The following TRIB3 variants were observed in gnomAD, a reference collection of about 807,000 sequenced individuals.
TRIB3 encodes tribbles homolog 3.
TRIB3 carries 20 observed loss-of-function variants against 16.6 expected under a neutral mutation model. The observed-to-expected ratio is 1.20, with a 90% CI of 0.85 to 1.75. TRIB3 has a LOEUF of 1.75. TRIB3 is among the 40% of genes most tolerant of loss of function. The pLI, the probability that TRIB3 is intolerant of heterozygous loss-of-function variation, is 0.00. For missense variants in TRIB3, 484 were observed against 488.9 expected, an observed-to-expected ratio of 0.99 and a Z score of 0.10; for synonymous variants, 208 against 217.0, an observed-to-expected ratio of 0.96 and a Z score of 0.36.
At chr20:390,472 C>G (rs2014941287) in intron 2 of TRIB3, among the ~76,000 whole-genome samples, 1 of 152,214 alleles carries the variant, frequency 6.6e-6, no homozygotes, top group Admixed American at 6.5e-5. Flanking sequence ...GAGCCCATGG[C>G]TGTCAGTCTA....
At position 387,894 on chromosome 20, in the gene TRIB3, AAC is replaced by A. The variant is rs1373480149; in HGVS notation, c.1-110_1-109del. On this transcript the variant is annotated intron_variant, in intron 1 of 3. Transcript: ENST00000217233. ...TAAGGATATGTGACTTTGTCATTTT[AAC>A]ACACACTGCCAGATCACCCCCTATA... 2.4e-6 allele frequency: 3 copies of A among 1,238,394 alleles called. No individual in the cohort carries two copies. In the Admixed American group the frequency reaches 7.6e-5, roughly 32 times the overall value. The allele number at this position is 1,238,394 out of a possible 1,614,324, so 76.7% of individuals were successfully genotyped here. A position where few individuals can be genotyped will look rare whatever the true frequency, so the allele number is the denominator to read the frequency against.
chr20:384,545 G>A (rs2014748457), intron 1 of TRIB3, among the ~76,000 whole-genome samples: 1 of 152,100 alleles, frequency 6.6e-6, no homozygotes. Flanking sequence ...TGTATGTTTA[G>A]TAGAGATGGG....
chr20:396,889 C>A lies in TRIB3; in HGVS notation c.*199C>A. On this transcript the variant is annotated 3_prime_UTR_variant, in exon 4 of 4. Transcript: ENST00000217233. ...TTCCTGCTTGGGTGCTTATCAGGTG[C>A]CAAGCCCTGTTCTCGGTGCTGGGAG... The A allele has an allele frequency of 1.4e-6, 1 of 719,198 alleles. No homozygotes were observed. The highest frequency in any genetic ancestry group is 2.2e-6 in the Non-Finnish European group (1 of 461,266). The allele number at this position is 719,198 out of a possible 1,614,324, so 44.6% of individuals were successfully genotyped here.
rs753371681 is a variant in TRIB3 at position 396,327 on chromosome 20, G to A, written c.714G>A (p.Ser238=). The change falls in exon 4 of 4, where the codon TCG becomes TCA. Residue 238 remains serine, a synonymous_variant. Transcript: ENST00000217233. ...TACTCAGCTCACGGGCCTCATACTC[G>A]GGCAAGGCAGCCGATGTCTGGAGCC... ...PEILSSRASY[S]GKAADVWSLG... 3.5e-5 allele frequency: 56 copies of A among 1,613,566 alleles called. No individual in the cohort carries two copies. In the Admixed American group the frequency reaches 7.0e-4, roughly 20 times the overall value.
intron 1 of TRIB3, chr20:382,476 A>T: frequency 6.7e-7 from 1 of 1,500,470 alleles, no homozygotes; most frequent in Non-Finnish European, 8.9e-7. Context: ...TGCGTGACTC[A>T]GAACAGCCTT....
In TRIB3 at chr20:390,877, C is replaced by T. The variant is rs767507718; in HGVS notation, c.292-410C>T. Among the ~76,000 whole-genome samples the T allele has an allele frequency of 4.1e-4, 62 of 152,018 alleles. 1 individual carries two copies. Among genetic ancestry groups the T allele is most frequent in the Non-Finnish European group, 4.7e-4 (32 of 68,002 alleles). ...ATTAGCTAGGTGCGGTGGCACATGC[C>T]TGTAATCCCAGCTACACTGGGGGCT... is the stretch of plus-strand genomic sequence containing the variant. On this transcript the variant is annotated intron_variant, in intron 2 of 3. Transcript: ENST00000217233.
At chr20:392,714 G>A (rs532142332) in intron 3 of TRIB3, among the ~76,000 whole-genome samples, 51 of 151,948 alleles carry the variant, frequency 3.4e-4, no homozygotes, top group African/African-American at 1.1e-3. Context: ...GCGCCACCAT[G>A]CCTGGCTCAT....
At position 382,550 on chromosome 20, in the gene TRIB3, T is replaced by A. The variant is rs1429773484; in HGVS notation, c.-1+1381T>A. ...AGCTTTCTAAGACTCCCAAGGATGGTACTTATGCATCTTGCTGTGAAGAAT... is the reference window on the plus strand; with the variant it reads ...AGCTTTCTAAGACTCCCAAGGATGGAACTTATGCATCTTGCTGTGAAGAAT... On this transcript the variant is annotated intron_variant, in intron 1 of 3. Coordinates refer to ENST00000217233, the MANE Select transcript of TRIB3 (RefSeq NM_021158.5). 2.7e-5 allele frequency: 41 copies of A among 1,535,708 alleles called. No individual in the cohort carries two copies. In the East Asian group the frequency reaches 1.0e-3, roughly 38 times the overall value.
rs550469591 is a variant in TRIB3, at chr20:391,877, C to T, written c.584+298C>T. On this transcript the variant is annotated intron_variant, in intron 3 of 3. Coordinates refer to ENST00000217233, the MANE Select transcript of TRIB3 (RefSeq NM_021158.5). Reference sequence around the variant, plus strand: ...TCTCTACTAAAAATACAAAAATTAGCCTAGTGTGGTGGCGCACACCTGTAA... The same window carrying T: ...TCTCTACTAAAAATACAAAAATTAGTCTAGTGTGGTGGCGCACACCTGTAA... Among the ~76,000 whole-genome samples, 18 of 152,230 alleles carry T rather than the reference C, an allele frequency of 1.2e-4. No homozygotes were observed. In the East Asian group the frequency reaches 2.7e-3, roughly 23 times the overall value.
chr20:382,618 T>C (rs1568531522), intron 1 of TRIB3: 3 of 1,498,256 alleles, frequency 2.0e-6, no homozygotes, highest in South Asian at 2.4e-5. Flanking sequence ...GACACCTACC[T>C]GGCAACAGGT....
At chr20:386,281 C>CAT (rs1486025277) in intron 1 of TRIB3, among the ~76,000 whole-genome samples, 2 of 151,914 alleles carry the variant, frequency 1.3e-5, no homozygotes, top group African/African-American at 2.4e-5. Flanking sequence ...TGAACAAGAT[C>CAT]ATATCTCTCA....
At chr20:390,671 A>G (rs1217961769) in intron 2 of TRIB3, among the ~76,000 whole-genome samples, 1 of 152,090 alleles carries the variant, frequency 6.6e-6, no homozygotes. Flanking sequence ...CTTTTCAGTT[A>G]TCCGATGTTT....
chr20:382,671 C>G, intron 1 of TRIB3: 1 of 1,203,228 alleles, frequency 8.3e-7, no homozygotes, highest in South Asian at 1.3e-5. Flanking sequence ...ATTTCATCAT[C>G]ACGAAAAACC....
At chr20:382,126 T>TGTGTGTGTGTGTGTGTGC (rs1374416475) in intron 1 of TRIB3, among the ~76,000 whole-genome samples, 1 of 83,898 alleles carries the variant, frequency 1.2e-5, no homozygotes, top group Non-Finnish European at 2.8e-5. Context: ...TGTGTGTGTG[T>TGTGTGTGTGTGTGTGTGC]GCGTGCGCGC....
Position 388,161 on chromosome 20 carries a change from A to C in TRIB3, c.151A>C (p.Ser51Arg). 2 of 1,614,054 alleles carry C rather than the reference A, an allele frequency of 1.2e-6. No individual in the cohort carries two copies. Among genetic ancestry groups the C allele is most frequent in the Non-Finnish European group, 1.7e-6 (2 of 1,180,026 alleles). The change falls in exon 2 of 4, where the codon AGC becomes CGC. Residue 51 changes from serine to arginine, a missense_variant. By Grantham distance (110) the Ser-to-Arg change is moderately radical. Transcript: ENST00000217233. The stretch of plus-strand genomic sequence containing the variant: ...ACTGCCCCCCTGCCTGTTGCCCCTG[A>C]GCCCACCTACTGCTCCAGATCGTGC... ...PRLPPCLLPLSPPTAPDRATA... is the reference protein window; with the variant it reads ...PRLPPCLLPLRPPTAPDRATA...
chr20:382,755 C>T, intron 1 of TRIB3: 1 of 675,692 alleles, frequency 1.5e-6, no homozygotes, highest in Non-Finnish European at 2.6e-6. Flanking sequence ...ACCAGGGGTA[C>T]CCCCCAGCTA....
In TRIB3 at chr20:394,141, G is replaced by A. The variant is rs751054243; in HGVS notation, c.585-2057G>A. ...CACCTCCCGGGTTCAAGTGATTCTC[G>A]TGCCTCAGCCTCTTGAGCAGCTGGG... is the stretch of plus-strand genomic sequence containing the variant. On this transcript the variant is annotated intron_variant, in intron 3 of 3. Coordinates refer to ENST00000217233, the MANE Select transcript of TRIB3 (RefSeq NM_021158.5). Among the ~76,000 whole-genome samples the A allele has an allele frequency of 3.4e-4, 51 of 149,060 alleles. 1 individual carries two copies. The highest frequency in any genetic ancestry group is 5.3e-4 in the Non-Finnish European group (36 of 67,670).
chr20:386,453 G>A (rs2014811248), intron 1 of TRIB3, among the ~76,000 whole-genome samples: 1 of 152,126 alleles, frequency 6.6e-6, no homozygotes, highest in Non-Finnish European at 1.5e-5. Flanking sequence ...CTGTCACCCA[G>A]GCTGGAGTGT....
intron 3 of TRIB3, among the ~76,000 whole-genome samples, chr20:392,131 A>G (rs1423606483): frequency 6.6e-6 from 1 of 152,152 alleles, no homozygotes; most frequent in Non-Finnish European, 1.5e-5. Flanking sequence ...AAGCATCGCC[A>G]CATTATCTAA....
Sources: gnomAD v4.1 joint callset for allele counts (sites outside exome capture counted in the v4.1 genomes callset) on GRCh38, gnomAD v4.1.1 for gene constraint, MANE v1.5 for transcripts, NCBI Gene and HGNC (gene_info 2026-07-23, HGNC 2026-07-21) for gene names.